Variants in KLRG1 observed in about 807,000 individuals in gnomAD.
KLRG1 encodes the protein killer cell lectin like receptor G1.
Under a neutral mutation model 21.8 loss-of-function variants are expected in KLRG1, and 16 were observed. The observed-to-expected ratio is 0.73, with a 90% CI of 0.50 to 1.11. KLRG1 has a LOEUF of 1.11. Among genes scored for constraint, KLRG1 ranks in the 50% most tolerant of loss-of-function variants. KLRG1 has a pLI of 0.00. For missense variants in KLRG1, 173 were observed against 218.3 expected (o/e 0.79, Z 1.31); for synonymous variants, 69 against 75.9 (o/e 0.91, Z 0.47).
chr12:9,104,495 T>G, the KLRG1 span: 4 of 1,328,792 alleles, frequency 3.0e-6, no homozygotes, highest in African/African-American at 4.5e-5. Context: ...TCCTCTATGT[T>G]GAACATGGTT....
the KLRG1 span, among the ~76,000 whole-genome samples, chr12:9,124,171 CAA>C: frequency 6.6e-6 from 1 of 152,176 alleles, no homozygotes. Flanking sequence ...GGATCAGAGA[CAA>C]GAGGATTCTC....
the KLRG1 span, chr12:9,152,138 G>A: frequency 9.7e-7 from 1 of 1,029,648 alleles, no homozygotes; most frequent in Non-Finnish European, 1.5e-6. Flanking sequence ...ATGTTGACAT[G>A]GTTTTGATAT....
At chr12:9,182,910 C>T in the KLRG1 span, among the ~76,000 whole-genome samples, 1 of 152,164 alleles carries the variant, frequency 6.6e-6, no homozygotes, top group Non-Finnish European at 1.5e-5. Flanking sequence ...CCATGTCTTC[C>T]TTTTCTCTAC....
intron 1 of KLRG1, among the ~76,000 whole-genome samples, chr12:8,971,505 A>T (rs1946566619): frequency 6.6e-6 from 1 of 151,402 alleles, no homozygotes; most frequent in African/African-American, 2.4e-5. Flanking sequence ...ATTTTTTTTG[A>T]GACAGATTCT....
chr12:8,996,231 T>C (rs1947126830), intron 3 of KLRG1, among the ~76,000 whole-genome samples: 1 of 152,076 alleles, frequency 6.6e-6, no homozygotes, highest in South Asian at 2.1e-4. Context: ...CCCAGCAATC[T>C]CTTGGAAAAG....
chr12:9,106,389 G>A, the KLRG1 span: 3 of 1,490,790 alleles, frequency 2.0e-6, no homozygotes, highest in Non-Finnish European at 2.8e-6. Flanking sequence ...GAAGAATGAT[G>A]TCTCTAAAAT....
the KLRG1 span, chr12:9,028,974 G>A: frequency 6.8e-5 from 42 of 617,902 alleles, no homozygotes; most frequent in South Asian, 2.2e-4. Flanking sequence ...GTCCGTGAGC[G>A]TTCCCCATTG....
chr12:9,088,532 T>C, the KLRG1 span, among the ~76,000 whole-genome samples: 112 of 152,276 alleles, frequency 7.4e-4, no homozygotes, highest in East Asian at 1.7e-3. Flanking sequence ...GATGAATAGA[T>C]AAAGTATTTA....
the KLRG1 span, among the ~76,000 whole-genome samples, chr12:9,081,712 G>C: frequency 6.6e-6 from 1 of 152,166 alleles, no homozygotes; most frequent in Non-Finnish European, 1.5e-5. Context: ...TTCTACAGCG[G>C]GGAAGAGAAC....
chr12:9,163,607 C>T, the KLRG1 span: 2 of 1,579,120 alleles, frequency 1.3e-6, no homozygotes, highest in East Asian at 4.5e-5. Context: ...TTTGTTGTCT[C>T]AAGAGTGACC....
At chr12:9,134,096 T>G in the KLRG1 span, among the ~76,000 whole-genome samples, 1 of 152,186 alleles carries the variant, frequency 6.6e-6, no homozygotes, top group African/African-American at 2.4e-5. Flanking sequence ...TTGGTAGAAT[T>G]GGAAGGAAGT....
At chr12:9,140,521 T>C in the KLRG1 span, among the ~76,000 whole-genome samples, 29 of 152,324 alleles carry the variant, frequency 1.9e-4, no homozygotes, top group Non-Finnish European at 3.4e-4. Flanking sequence ...GTAGGAATGG[T>C]TTGCATTATT....
the KLRG1 span, among the ~76,000 whole-genome samples, chr12:9,119,217 A>G: frequency 1.9e-4 from 29 of 152,376 alleles, no homozygotes; most frequent in African/African-American, 6.3e-4. Flanking sequence ...ATAATGTAAC[A>G]TAATTTAAAT....
chr12:9,033,787 G>A, the KLRG1 span, among the ~76,000 whole-genome samples: 1 of 152,200 alleles, frequency 6.6e-6, no homozygotes, highest in Non-Finnish European at 1.5e-5. Context: ...TCACTATTTG[G>A]TGAGTGGGTA....
intron 1 of KLRG1, among the ~76,000 whole-genome samples, chr12:8,979,864 C>G (rs1335521152): frequency 1.3e-5 from 2 of 151,722 alleles, no homozygotes; most frequent in Non-Finnish European, 2.9e-5. Context: ...TTTTATTTTA[C>G]TCATGTATTC....
chr12:8,990,184 G>A (rs935248496), intron 1 of KLRG1: 2 of 128,422 alleles, frequency 1.6e-5, no homozygotes, highest in Non-Finnish European at 3.6e-5. Context: ...TACATATCTA[G>A]TTTTGTTTTT....
the KLRG1 span, chr12:9,196,558 T>C: frequency 6.3e-7 from 1 of 1,588,758 alleles, no homozygotes; most frequent in Non-Finnish European, 8.6e-7. Context: ...CCATATTCGT[T>C]CATTACTCAC....
chr12:9,214,374 C>T, the KLRG1 span, among the ~76,000 whole-genome samples: 4 of 152,024 alleles, frequency 2.6e-5, no homozygotes, highest in Non-Finnish European at 2.9e-5. Flanking sequence ...GTATAAAAGA[C>T]GGTCGTAATT....
the KLRG1 span, chr12:9,152,239 A>G: frequency 1.9e-5 from 30 of 1,610,028 alleles, no homozygotes; most frequent in South Asian, 3.2e-4. Flanking sequence ...TGTTGGTTTC[A>G]GGGGAATAAA....
Sources: allele counts gnomAD v4.1 joint callset (sites outside exome capture counted in the v4.1 genomes callset), GRCh38; gene constraint gnomAD v4.1.1; transcripts MANE v1.5; gene names NCBI Gene and HGNC (gene_info 2026-07-23, HGNC 2026-07-21).